Variants in ELP1 observed in about 807,000 individuals in gnomAD.
ELP1 encodes the protein elongator acetyltransferase complex subunit 1.
Under a neutral mutation model 183.2 loss-of-function variants are expected in ELP1, and 131 were observed. The observed-to-expected ratio is 0.72, with a 90% confidence interval of 0.62 to 0.83. ELP1 has a LOEUF of 0.83. Among genes scored for constraint, ELP1 ranks in the 40% least tolerant of loss-of-function variants. ELP1 has a pLI of 0.00. For missense variants in ELP1, 1,550 were observed against 1,594.9 expected, an observed-to-expected ratio of 0.97 and a Z score of 0.48; for synonymous variants, 555 against 569.0, an observed-to-expected ratio of 0.98 and a Z score of 0.35.
intron 2 of ELP1, among the ~76,000 whole-genome samples, chr9:108,930,582 C>A (rs751137747): frequency 6.7e-6 from 1 of 149,544 alleles, no homozygotes; most frequent in South Asian, 2.2e-4. Context: ...CCCAGCTTCT[C>A]GGGAGGCTGA....
intron 10 of ELP1, among the ~76,000 whole-genome samples, chr9:108,915,627 A>G (rs1251250548): frequency 6.6e-6 from 1 of 152,004 alleles, no homozygotes; most frequent in Non-Finnish European, 1.5e-5. Flanking sequence ...TTTTAAAGTA[A>G]ATCTATCCAC....
chr9:108,910,935 A>G, intron 12 of ELP1, 75 bp downstream of exon 12: 1 of 1,352,548 alleles, frequency 7.4e-7, no homozygotes, highest in South Asian at 1.2e-5. Context: ...TGGCAACACC[A>G]AACTATAATT....
chr9:108,896,786 A>G (rs1427031369), intron 24 of ELP1, 142 bp from the exon 25 acceptor site: 1 of 1,037,960 alleles, frequency 9.6e-7, no homozygotes, highest in Non-Finnish European at 1.5e-6. Context: ...ACTTTTATAT[A>G]TGCTTTAGAG....
chr9:108,925,638 T>C (rs970760117), intron 5 of ELP1, among the ~76,000 whole-genome samples: 5 of 152,208 alleles, frequency 3.3e-5, no homozygotes, highest in African/African-American at 1.2e-4. Flanking sequence ...CCTCTCTAGT[T>C]ACTCGTTTCC....
At position 108,893,956 on chromosome 9, in the gene ELP1, G is replaced by C; in HGVS notation, c.2847C>G (p.His949Gln). The C allele has an allele frequency of 6.2e-7, 1 of 1,613,836 alleles. No individual in the cohort carries two copies. Among genetic ancestry groups the C allele is most frequent in the Non-Finnish European group, 8.5e-7 (1 of 1,179,864 alleles). ...CCCCACACTTACCACATTTGCTGAG[G>C]TGGCCAATGGCTTTTTCATATCGTT... ...YLKRYEKAIGHLSKCGPEYFP... is the reference protein window; with the variant it reads ...YLKRYEKAIGQLSKCGPEYFP... The change falls in exon 26 of 37, where the codon CAC becomes CAG. Residue 949 changes from histidine to glutamine, a missense_variant. His to Gln is a conservative substitution (Grantham distance 24, BLOSUM62 0). Coordinates refer to ENST00000374647, the MANE Select transcript of ELP1 (RefSeq NM_003640.5).
At chr9:108,933,661 C>A (rs1462588768) in intron 1 of ELP1, among the ~76,000 whole-genome samples, 1 of 152,254 alleles carries the variant, frequency 6.6e-6, no homozygotes, top group Non-Finnish European at 1.5e-5. Flanking sequence ...GCAGGCATCC[C>A]TGGGCTGTCG....
chr9:108,889,283 A>G, intron 29 of ELP1, 49 bp downstream of exon 29: 14 of 1,481,956 alleles, frequency 9.4e-6, no homozygotes, highest in Non-Finnish European at 1.3e-5. Context: ...ACAATTGAGA[A>G]GACCTTTCTT....
At position 108,917,005 on chromosome 9, in the gene ELP1, G is replaced by A. The variant is rs746346337; in HGVS notation, c.864+542C>T. ...TTGTCAAAATAAACAATAAAAACTA[G>A]CATTTTTATTTCCTACTTCTGTTTT... is the stretch of plus-strand genomic sequence containing the variant. On this transcript the variant is annotated intron_variant, in intron 9 of 36. Coordinates refer to ENST00000374647, the MANE Select transcript of ELP1 (RefSeq NM_003640.5). Among the ~76,000 whole-genome samples, 47 of 152,036 alleles carry A rather than the reference G, an allele frequency of 3.1e-4. 1 individual carries two copies. The highest frequency in any genetic ancestry group is 1.5e-4 in the Non-Finnish European group (10 of 67,984).
intron 4 of ELP1, 134 bp from the exon 5 acceptor site, chr9:108,926,737 G>C (rs906483521): frequency 5.1e-5 from 36 of 707,484 alleles, no homozygotes; most frequent in Non-Finnish European, 8.2e-5. Flanking sequence ...AAAATGCTTT[G>C]ACTTAAAAAA....
At chr9:108,929,065 G>A (rs879233523) in intron 3 of ELP1, among the ~76,000 whole-genome samples, 1 of 152,284 alleles carries the variant, frequency 6.6e-6, no homozygotes, top group East Asian at 1.9e-4. Flanking sequence ...AAAGTGCCAG[G>A]CACATGATAG....
In ELP1 at chr9:108,874,901, C is replaced by A. The variant is rs758997539; in HGVS notation, c.3925G>T (p.Val1309Phe). The change falls in exon 36 of 37, where the codon GTT becomes TTT. Residue 1309 changes from valine (V) to phenylalanine (F), a missense_variant. Physicochemically the swap from Val to Phe is conservative, Grantham distance 50. Coordinates refer to ENST00000374647, the MANE Select transcript of ELP1 (RefSeq NM_003640.5). ...SYQQQKTSVP[V>F]LDAELFIPPK... ...AATGAGAAAAAATACTAACCAAGAACAGGAACCGAAGTCTTCTGTTGCTGA... is the reference window on the plus strand; with the variant it reads ...AATGAGAAAAAATACTAACCAAGAAAAGGAACCGAAGTCTTCTGTTGCTGA... The A allele has an allele frequency of 1.9e-6, 3 of 1,606,556 alleles. No individual in the cohort carries two copies. The highest frequency in any genetic ancestry group is 2.6e-6 in the Non-Finnish European group (3 of 1,173,418).
chr9:108,918,398 G>C (rs1829526061), intron 8 of ELP1, among the ~76,000 whole-genome samples: 1 of 152,062 alleles, frequency 6.6e-6, no homozygotes, highest in Non-Finnish European at 1.5e-5. Flanking sequence ...TAGGAATTTT[G>C]TGCCAAGGAA....
At chr9:108,898,203 C>T (rs1159151823) in intron 22 of ELP1, among the ~76,000 whole-genome samples, 4 of 152,096 alleles carry the variant, frequency 2.6e-5, no homozygotes, top group African/African-American at 4.8e-5. Context: ...GAAAGATCAT[C>T]AGAGAGAAAG....
chr9:108,887,238 A>T (rs1459420100), intron 29 of ELP1, among the ~76,000 whole-genome samples: 2 of 152,132 alleles, frequency 1.3e-5, no homozygotes, highest in African/African-American at 2.4e-5. Context: ...ATAAAATTTT[A>T]AAAAAGCAAA....
intron 1 of ELP1, among the ~76,000 whole-genome samples, chr9:108,932,124 A>G (rs370163471): frequency 1.5e-4 from 23 of 152,302 alleles, no homozygotes; most frequent in African/African-American, 5.3e-4. Flanking sequence ...TTGGCACCCC[A>G]CATATGTATG....
rs576238868 is a variant in ELP1, at chr9:108,873,454, C to G, written c.3931+1441G>C. On this transcript the variant is annotated intron_variant, in intron 36 of 36. Coordinates refer to ENST00000374647, the MANE Select transcript of ELP1 (RefSeq NM_003640.5). ...ACCTTTTCCTATACATCCTTGAAAC[C>G]ACAAGGGTAATGATAATAAACACTC... 4.6e-5 allele frequency among the ~76,000 whole-genome samples: 7 copies of G among 152,224 alleles called. No homozygotes were observed. In the South Asian group the frequency reaches 1.5e-3, roughly 32 times the overall value.
chr9:108,909,137 T>C (rs1168897528), intron 12 of ELP1, among the ~76,000 whole-genome samples: 2 of 152,078 alleles, frequency 1.3e-5, no homozygotes, highest in African/African-American at 4.8e-5. Context: ...AGAGAGGCCT[T>C]TGGGATCACA....
chr9:108,879,687 T>A (rs1333138760), intron 32 of ELP1, 130 bp from the exon 33 acceptor site: 1 of 725,886 alleles, frequency 1.4e-6, no homozygotes, highest in East Asian at 2.7e-5. Context: ...GATTGCAAAG[T>A]TGATCTCAAA....
chr9:108,926,930 A>C (rs1425562069), intron 4 of ELP1, among the ~76,000 whole-genome samples: 2 of 152,286 alleles, frequency 1.3e-5, no homozygotes, highest in African/African-American at 4.8e-5. Context: ...TGGTTTACTA[A>C]ACTCATCTGG....
Sources: gnomAD v4.1 joint callset for allele counts (sites outside exome capture counted in the v4.1 genomes callset) on GRCh38, gnomAD v4.1.1 for gene constraint, MANE v1.5 for transcripts, NCBI Gene and HGNC (gene_info 2026-07-23, HGNC 2026-07-21) for gene names.